The following ADSS1 variants were observed in gnomAD, a reference collection of about 807,000 sequenced individuals.
The protein encoded by ADSS1 is adenylosuccinate synthase 1.
Under a neutral mutation model 59.1 loss-of-function variants are expected in ADSS1, and 57 were observed. That is an observed-to-expected ratio of 0.97 (90% confidence interval 0.78 to 1.20). ADSS1 has a LOEUF of 1.20. Ranked by LOEUF, ADSS1 falls within the 50% of genes most tolerant of loss-of-function variation. The pLI is 0.00. For missense variants in ADSS1, 603 were observed against 610.3 expected (o/e 0.99, Z 0.13); for synonymous variants, 247 against 249.4 (o/e 0.99, Z 0.09).
intron 1 of ADSS1, among the ~76,000 whole-genome samples, chr14:104,728,525 C>G (rs1274614877): frequency 6.6e-6 from 1 of 152,136 alleles, no homozygotes; most frequent in Non-Finnish European, 1.5e-5. Flanking sequence ...AGCCTGCAAG[C>G]AGAGCCCAGA....
chr14:104,724,301 C>T lies in ADSS1; in HGVS notation c.31C>T (p.Pro11Ser), dbSNP rs1184346389. 10 of 1,232,942 alleles carry T rather than the reference C, an allele frequency of 8.1e-6. No individual in the cohort carries two copies. The highest frequency in any genetic ancestry group is 9.1e-6 in the Non-Finnish European group (9 of 986,384). 76.4% of individuals were successfully genotyped at this position (1,232,942 alleles called of 1,614,324 possible). The change falls in exon 1 of 13, where the codon CCC becomes TCC. Residue 11 changes from proline (P) to serine (S), a missense_variant. Physicochemically the swap from Pro to Ser is moderately conservative, Grantham distance 74 (BLOSUM62 -1). Transcript: ENST00000330877. Reference sequence around the variant, plus strand: ...GGGGACCCGAGCCTCCAACGACCGGCCCCCCGGCGCAGGCGGCGTCAAGCG... The same window carrying T: ...GGGGACCCGAGCCTCCAACGACCGGTCCCCCGGCGCAGGCGGCGTCAAGCG... MSGTRASNDR[P>S]PGAGGVKRGR...
intron 9 of ADSS1, 133 bp from the exon 10 acceptor site, chr14:104,742,933 TA>T: frequency 7.5e-7 from 1 of 1,328,826 alleles, no homozygotes; most frequent in Non-Finnish European, 1.0e-6. Context: ...GAGCTGGATG[TA>T]AGGACTGTCG....
chr14:104,737,092 A>G (rs1259830244), intron 2 of ADSS1: 1 of 151,904 alleles, frequency 6.6e-6, no homozygotes, highest in African/African-American at 2.4e-5. Context: ...CTGACAGGTC[A>G]TGATCACCCA....
intron 1 of ADSS1, among the ~76,000 whole-genome samples, chr14:104,733,068 G>C (rs969351463): frequency 1.3e-5 from 2 of 152,152 alleles, no homozygotes; most frequent in African/African-American, 4.8e-5. Context: ...GGCTGCAGAA[G>C]TACCCTGACC....
At chr14:104,734,886 G>A in intron 1 of ADSS1, 134 bp from the exon 2 acceptor site, 1 of 696,224 alleles carries the variant, frequency 1.4e-6, no homozygotes, top group Non-Finnish European at 2.6e-6. Flanking sequence ...CATCAGAGCT[G>A]GCCACCAAAC....
In ADSS1 at chr14:104,740,521, CG is replaced by C. The variant is rs1012708513; in HGVS notation, c.477-75del. 3.2e-5 allele frequency: 42 copies of C among 1,298,946 alleles called. No individual in the cohort carries two copies. The highest frequency in any genetic ancestry group is 4.4e-5 in the Non-Finnish European group (40 of 916,422). The allele number at this position is 1,298,946 out of a possible 1,614,324, so 80.5% of individuals were successfully genotyped here. ...GGTGGGCACTGGAGTCATGAGCCGG[CG>C]GGGGTCATGGCCTCAGTGGGATGCC... On this transcript the variant is annotated intron_variant, in intron 5 of 12. Transcript: ENST00000330877. The surrounding 1 kb of genome is among the most constrained non-coding windows in gnomAD (Gnocchi z 4.8).
At chr14:104,726,695 C>A (rs553207053) in intron 1 of ADSS1, among the ~76,000 whole-genome samples, 34 of 152,334 alleles carry the variant, frequency 2.2e-4, no homozygotes, top group African/African-American at 8.2e-4. Context: ...GGTCTCCAGG[C>A]GCACAGAGGC....
At chr14:104,734,516 C>G (rs897889381) in intron 1 of ADSS1, among the ~76,000 whole-genome samples, 1 of 152,234 alleles carries the variant, frequency 6.6e-6, no homozygotes, top group South Asian at 2.1e-4. Context: ...GGAATCCCCC[C>G]AGAGAGGGGA....
rs115530804 is a variant in ADSS1, at chr14:104,736,130, C to T, written c.295+1008C>T. On this transcript the variant is annotated intron_variant, in intron 2 of 12. Coordinates refer to ENST00000330877, the MANE Select transcript of ADSS1 (RefSeq NM_152328.5). ...CAGGGGCTGAGCTGGAGTGACTCAC[C>T]CAAGACCATCCCCTGGGGTGCAGAC... Among the ~76,000 whole-genome samples the T allele has an allele frequency of 6.4e-3, 982 of 152,320 alleles. 8 individuals are homozygous for T. Among genetic ancestry groups the T allele is most frequent in the African/African-American group, 0.022 (935 of 41,576 alleles).
At chr14:104,727,495 C>T (rs1447195035) in intron 1 of ADSS1, among the ~76,000 whole-genome samples, 1 of 152,146 alleles carries the variant, frequency 6.6e-6, no homozygotes, top group African/African-American at 2.4e-5. Context: ...GCCAGGTCTG[C>T]CCTCCCTGCT....
In ADSS1 at chr14:104,743,280, G is replaced by A; in HGVS notation, c.1073+89G>A. The stretch of plus-strand genomic sequence containing the variant: ...AGCAGCACTTGACGCAGGGGCTGAG[G>A]GCCACCAAGTCTCCTTGGACAAGGT... On this transcript the variant is annotated intron_variant, in intron 10 of 12. Transcript: ENST00000330877. 5.8e-6 allele frequency: 9 copies of A among 1,550,364 alleles called. No individual in the cohort carries two copies. The South Asian group carries it at 8.0e-5, about 14-fold the overall frequency.
In ADSS1 at chr14:104,741,136, G is replaced by C. The variant is rs771634834; in HGVS notation, c.686G>C (p.Arg229Thr). Reference protein sequence around the residue: ...KRLKGFAERIRPMVRDGVYFM... With the variant: ...KRLKGFAERITPMVRDGVYFM... ...TTGCAGGGCTTTGCTGAGCGGATCAGACCCATGGTCCGAGATGGTGTTTAC... is the reference window on the plus strand; with the variant it reads ...TTGCAGGGCTTTGCTGAGCGGATCACACCCATGGTCCGAGATGGTGTTTAC... Residue 229 changes from arginine to threonine, a missense_variant, in exon 8 of 13, where the codon AGA (arginine) becomes ACA (threonine). Coordinates refer to ENST00000330877, the MANE Select transcript of ADSS1 (RefSeq NM_152328.5). 16 of 1,609,228 alleles carry C rather than the reference G, an allele frequency of 9.9e-6. No homozygotes were observed. Among genetic ancestry groups the C allele is most frequent in the Non-Finnish European group, 1.4e-5 (16 of 1,177,032 alleles).
At chr14:104,738,971 G>T (rs769348285) in intron 3 of ADSS1, among the ~76,000 whole-genome samples, 1 of 152,178 alleles carries the variant, frequency 6.6e-6, no homozygotes, top group Non-Finnish European at 1.5e-5. Context: ...GGCACCAGGG[G>T]GTACCCAGAC....
intron 11 of ADSS1, chr14:104,745,482 T>C: frequency 6.5e-6 from 1 of 154,146 alleles, no homozygotes; most frequent in Non-Finnish European, 1.4e-5. Context: ...TCCAGGGTCA[T>C]GTTCTGACCC....
At chr14:104,727,824 C>G (rs1890760669) in intron 1 of ADSS1, among the ~76,000 whole-genome samples, 1 of 152,196 alleles carries the variant, frequency 6.6e-6, no homozygotes, top group African/African-American at 2.4e-5. Context: ...TGCCGAGGAC[C>G]ACAGGGCTCC....
chr14:104,744,488 T>G (rs1039412730), intron 10 of ADSS1: 1 of 252,252 alleles, frequency 4.0e-6, no homozygotes, highest in Non-Finnish European at 7.6e-6. Flanking sequence ...GGGATGAAAC[T>G]GTCCCACCTC....
chr14:104,729,461 G>T (rs535418693), intron 1 of ADSS1, among the ~76,000 whole-genome samples: 1 of 152,186 alleles, frequency 6.6e-6, no homozygotes, highest in Non-Finnish European at 1.5e-5. Context: ...CGCCTTGCAC[G>T]TGTCAGCAGC....
chr14:104,729,288 A>G (rs952108746), intron 1 of ADSS1, among the ~76,000 whole-genome samples: 2 of 152,156 alleles, frequency 1.3e-5, no homozygotes, highest in African/African-American at 4.8e-5. Flanking sequence ...GGCAGATGGC[A>G]GGTGGCATCC....
rs1204987974 is a variant in ADSS1 at position 104,739,386 on chromosome 14, T to C, written c.409+8T>C. 1.2e-6 allele frequency: 2 copies of C among 1,602,530 alleles called. No homozygotes were observed. The highest frequency in any genetic ancestry group is 1.3e-5 in the African/African-American group (1 of 74,754). ...CTGACAGAGCCCACCTTGGTACGTT[T>C]CCCACTGGAGTACAGGGAACAGCCC... On this transcript the variant is annotated splice_region_variant and intron_variant, in intron 4 of 12. Transcript: ENST00000330877.
Sources: gnomAD v4.1 joint callset for allele counts (sites outside exome capture counted in the v4.1 genomes callset) on GRCh38, gnomAD v4.1.1 for gene constraint, Gnocchi (gnomAD v3.1) non-coding constraint, MANE v1.5 for transcripts, NCBI Gene and HGNC (gene_info 2026-07-23, HGNC 2026-07-21) for gene names.